The following KIF2A variants were observed in gnomAD, a reference collection of about 807,000 sequenced individuals.
The protein encoded by KIF2A is kinesin family member 2A.
Under a neutral mutation model 100.2 loss-of-function variants are expected in KIF2A, and 22 were observed. The ratio of observed to expected loss-of-function variants is 0.22; its 90% CI spans 0.16 to 0.31. The LOEUF (loss-of-function observed/expected upper bound fraction) is 0.31, where lower values mean the gene tolerates loss of function less well. Among genes scored for constraint, KIF2A ranks in the 10% least tolerant of loss-of-function variants. KIF2A has a pLI of 1.00. For synonymous variants in KIF2A, 268 were observed against 285.9 expected (o/e 0.94, Z 0.63); for missense variants, 495 against 898.7 (o/e 0.55, Z 5.74).
At chr5:62,307,467 A>G (rs1052599398) in intron 1 of KIF2A, among the ~76,000 whole-genome samples, 3 of 152,078 alleles carry the variant, frequency 2.0e-5, no homozygotes, top group Non-Finnish European at 4.4e-5. Flanking sequence ...GTGGAGTGAG[A>G]TACGCCAGCC....
rs187012952 is a variant in KIF2A, at chr5:62,351,127, G to A, written c.334+1007G>A. On this transcript the variant is annotated intron_variant, in intron 4 of 20. Transcript: ENST00000407818. ...CATACCTGTAGTCTCAGCTACTCGG[G>A]AGGCTGAGGCAGGAGGATCGCTTGA... Among the ~76,000 whole-genome samples the A allele has an allele frequency of 2.9e-3, 445 of 152,138 alleles. 1 individual carries two copies. The highest frequency in any genetic ancestry group is 0.01 in the African/African-American group (419 of 41,474).
At chr5:62,325,894 A>C (rs965990950) in intron 1 of KIF2A, among the ~76,000 whole-genome samples, 8 of 152,242 alleles carry the variant, frequency 5.3e-5, no homozygotes, top group African/African-American at 1.9e-4. Context: ...CTGGATGTCC[A>C]TCAGTGGTGA....
intron 15 of KIF2A, 24 bp downstream of exon 15, chr5:62,365,377 T>C: frequency 8.2e-7 from 1 of 1,221,728 alleles, no homozygotes; most frequent in Non-Finnish European, 1.2e-6. Flanking sequence ...TATTTTTTGT[T>C]TGTTTTATTT....
chr5:62,390,731 C>G lies in KIF2A; in HGVS notation c.*5162C>G. 2 of 669,740 alleles carry G rather than the reference C, an allele frequency of 3.0e-6. No homozygotes were observed. The highest frequency in any genetic ancestry group is 3.7e-5 in the South Asian group (2 of 54,698). The allele number at this position is 669,740 out of a possible 1,614,324, so 41.5% of individuals were successfully genotyped here. ...AGCTAACTAGCCTCCATCTTCTACACCAAATACTATTCCATGCCATGGAAG... is the reference window on the plus strand; with the variant it reads ...AGCTAACTAGCCTCCATCTTCTACAGCAAATACTATTCCATGCCATGGAAG... On this transcript the variant is annotated 3_prime_UTR_variant, in exon 21 of 21. Transcript: ENST00000407818.
At chr5:62,370,734 C>T (rs578222836) in intron 16 of KIF2A, among the ~76,000 whole-genome samples, 1 of 152,216 alleles carries the variant, frequency 6.6e-6, no homozygotes, top group East Asian at 1.9e-4. Context: ...GATACTTAAT[C>T]TTTGGGTAAT....
intron 1 of KIF2A, among the ~76,000 whole-genome samples, chr5:62,331,028 G>A (rs1263121210): frequency 6.6e-6 from 1 of 152,114 alleles, no homozygotes; most frequent in African/African-American, 2.4e-5. Context: ...TTTGGAAATA[G>A]CCATTATAAA....
chr5:62,370,493 C>A (rs1224978196), intron 16 of KIF2A, among the ~76,000 whole-genome samples: 3 of 151,960 alleles, frequency 2.0e-5, no homozygotes, highest in African/African-American at 7.3e-5. Context: ...GATGGAGTTT[C>A]ACCATGTTGG....
intron 1 of KIF2A, among the ~76,000 whole-genome samples, chr5:62,318,233 C>T (rs2111796862): frequency 6.6e-6 from 1 of 152,274 alleles, no homozygotes; most frequent in African/African-American, 2.4e-5. Flanking sequence ...CAGGCATGTG[C>T]CACCACGCCC....
intron 1 of KIF2A, 62 bp downstream of exon 1, chr5:62,306,598 G>T (rs1326220999): frequency 4.4e-6 from 6 of 1,375,754 alleles, no homozygotes; most frequent in African/African-American, 1.5e-5. Context: ...GCACGGAGGG[G>T]ACGCGGGCGC....
chr5:62,314,602 G>A (rs1745717095), intron 1 of KIF2A, among the ~76,000 whole-genome samples: 2 of 152,018 alleles, frequency 1.3e-5, no homozygotes, highest in African/African-American at 4.8e-5. Context: ...TCCTCCCTGG[G>A]CTATGTTTTA....
At chr5:62,306,759 G>C (rs1192239034) in intron 1 of KIF2A, among the ~76,000 whole-genome samples, 1 of 152,140 alleles carries the variant, frequency 6.6e-6, no homozygotes, top group African/African-American at 2.4e-5. Context: ...GGGGAGGGAA[G>C]CCGGGTGGGG....
chr5:62,356,719 T>C (rs1748125132), intron 7 of KIF2A, among the ~76,000 whole-genome samples: 2 of 152,166 alleles, frequency 1.3e-5, no homozygotes, highest in Non-Finnish European at 2.9e-5. Context: ...TATGAAAATA[T>C]GTCACTTAGT....
intron 1 of KIF2A, among the ~76,000 whole-genome samples, chr5:62,346,223 A>G (rs906073912): frequency 3.9e-5 from 6 of 152,278 alleles, no homozygotes; most frequent in South Asian, 4.1e-4. Context: ...ACTACATTAT[A>G]TATAATATCT....
At chr5:62,308,371 G>T in intron 1 of KIF2A, 1 of 1,483,428 alleles carries the variant, frequency 6.7e-7, no homozygotes, top group Non-Finnish European at 9.0e-7. Context: ...GAAGATTCTG[G>T]GTGCACAGCA....
chr5:62,374,121 A>AG (rs1449343663), intron 18 of KIF2A, among the ~76,000 whole-genome samples: 1 of 152,142 alleles, frequency 6.6e-6, no homozygotes, highest in African/African-American at 2.4e-5. Flanking sequence ...CTGAGGTGGG[A>AG]GGATTGCTTG....
chr5:62,359,235 T>C (rs761868117), intron 9 of KIF2A, among the ~76,000 whole-genome samples: 4 of 152,212 alleles, frequency 2.6e-5, no homozygotes, highest in Non-Finnish European at 5.9e-5. Context: ...TCATTTCTAA[T>C]AATTATAACA....
At position 62,306,325 on chromosome 5, in the gene KIF2A, T is replaced by G; in HGVS notation, c.-148T>G. The G allele has an allele frequency of 1.5e-6, 1 of 656,896 alleles. No homozygotes were observed. The highest frequency in any genetic ancestry group is 2.7e-6 in the Non-Finnish European group (1 of 373,554). The allele number at this position is 656,896 out of a possible 1,614,324, so 40.7% of individuals were successfully genotyped here. Reference sequence around the variant, plus strand: ...CGCCTGCTTCCCCACAGCTGCTCCTTGCGGCCCCGCTTGCGTTCACGCTGT... The same window carrying G: ...CGCCTGCTTCCCCACAGCTGCTCCTGGCGGCCCCGCTTGCGTTCACGCTGT... On this transcript the variant is annotated 5_prime_UTR_variant, in exon 1 of 21. Transcript: ENST00000407818.
intron 19 of KIF2A, among the ~76,000 whole-genome samples, 193 bp from the exon 20 acceptor site, chr5:62,380,925 A>T (rs1433851249): frequency 1.3e-5 from 2 of 152,154 alleles, no homozygotes; most frequent in Admixed American, 6.6e-5. Flanking sequence ...GTGGACCCAA[A>T]CAGTTTAAAC....
intron 16 of KIF2A, among the ~76,000 whole-genome samples, chr5:62,372,166 A>G (rs952571887): frequency 6.6e-6 from 1 of 152,198 alleles, no homozygotes; most frequent in African/African-American, 2.4e-5. Context: ...GATTTAAGTG[A>G]CTTAGTTAAA....
Sources: gnomAD v4.1 joint callset for allele counts (sites outside exome capture counted in the v4.1 genomes callset) on GRCh38, gnomAD v4.1.1 for gene constraint, MANE v1.5 for transcripts, NCBI Gene and HGNC (gene_info 2026-07-23, HGNC 2026-07-21) for gene names.